BRI3BP: variants seen among roughly 807,000 people sequenced by gnomAD.
BRI3BP encodes BRI3 binding protein.
Under a neutral mutation model 15.8 loss-of-function variants are expected in BRI3BP, and 7 were observed. The ratio of observed to expected loss-of-function variants is 0.44; its 90% CI spans 0.25 to 0.83. The LOEUF is 0.83. Among genes scored for constraint, BRI3BP ranks in the 40% least tolerant of loss-of-function variants. The probability of loss-of-function intolerance (pLI) is 0.20; values close to 1 mark genes in which losing one functional copy is unlikely to be tolerated. For synonymous variants in BRI3BP, 192 were observed against 163.5 expected, an observed-to-expected ratio of 1.17 and a Z score of -1.33; for missense variants, 320 against 339.3, an observed-to-expected ratio of 0.94 and a Z score of 0.45.
chr12:125,021,725 G>C (rs1955300813), intron 2 of BRI3BP, among the ~76,000 whole-genome samples: 2 of 152,252 alleles, frequency 1.3e-5, no homozygotes, highest in South Asian at 4.2e-4. Context: ...CAAGAGCGAG[G>C]GGTAAACTGC....
At chr12:125,042,658 C>T in the BRI3BP span, among the ~76,000 whole-genome samples, 14 of 152,124 alleles carry the variant, frequency 9.2e-5, no homozygotes, top group Admixed American at 2.6e-4. Flanking sequence ...CCTCAGCCTC[C>T]CGAGTAGCTG....
chr12:125,004,294 C>T (rs10846800), intron 1 of BRI3BP, among the ~76,000 whole-genome samples: 8,869 of 152,192 alleles, frequency 0.058, 391 homozygotes, highest in Admixed American at 0.14. Context: ...AGCCTTCTCC[C>T]GAGTAGCTGG....
chr12:125,021,656 C>A (rs2135998759), intron 2 of BRI3BP, among the ~76,000 whole-genome samples: 1 of 152,304 alleles, frequency 6.6e-6, no homozygotes, highest in African/African-American at 2.4e-5. Flanking sequence ...AACTTGTAAT[C>A]ATGGCGGAAG....
Position 124,993,934 on chromosome 12 carries a change from C to T in BRI3BP, c.144C>T (p.Arg48=), listed in dbSNP as rs780689308. ...GCGCGGAGAAGAACAGCTACCGCCGCACGGTCAACACCTTCTCCCAGAGCG... is the reference window on the plus strand; with the variant it reads ...GCGCGGAGAAGAACAGCTACCGCCGTACGGTCAACACCTTCTCCCAGAGCG... The part of the protein sequence containing the change: ...RGGAEKNSYR[R]TVNTFSQSVS... Residue 48 remains arginine (R), a synonymous_variant, in exon 1 of 3, where the codon CGC becomes CGT. Transcript: ENST00000341446. The T allele has an allele frequency of 2.2e-6, 3 of 1,355,534 alleles. No homozygotes were observed. The highest frequency in any genetic ancestry group is 2.9e-6 in the Non-Finnish European group (3 of 1,041,982). 84.0% of individuals were successfully genotyped at this position (1,355,534 alleles called of 1,614,324 possible).
intron 1 of BRI3BP, among the ~76,000 whole-genome samples, chr12:125,003,311 G>A (rs1000108634): frequency 2.0e-5 from 3 of 152,286 alleles, no homozygotes; most frequent in Non-Finnish European, 2.9e-5. Context: ...CAAGAAGAGC[G>A]CTGATGAAAT....
At chr12:124,998,092 C>T (rs1000458016) in intron 1 of BRI3BP, among the ~76,000 whole-genome samples, 3 of 147,466 alleles carry the variant, frequency 2.0e-5, no homozygotes, top group South Asian at 2.1e-4. Flanking sequence ...CCGTTGCGCG[C>T]GCCAGCCTGG....
intron 1 of BRI3BP, among the ~76,000 whole-genome samples, chr12:124,996,427 CTGAGTAGCCGGGATTACAAG>C (rs879804258): frequency 1.8e-4 from 28 of 152,266 alleles, no homozygotes; most frequent in South Asian, 4.1e-4. Context: ...CCTCAGCCTC[CTGAGTAGCCGGGATTACAAG>C]TGAGTAGCCG....
At chr12:125,041,301 C>G in the BRI3BP span, among the ~76,000 whole-genome samples, 3 of 152,130 alleles carry the variant, frequency 2.0e-5, no homozygotes, top group African/African-American at 4.8e-5. Context: ...CGTGATCCAC[C>G]TGCCTCGGCC....
rs895138062 is a variant in BRI3BP at position 125,029,609 on chromosome 12, G to A, written c.*4179G>A. 2.0e-5 allele frequency: 3 copies of A among 150,398 alleles called. No individual in the cohort carries two copies. The highest frequency in any genetic ancestry group is 6.6e-5 in the Admixed American group (1 of 15,058). 9.3% of individuals were successfully genotyped at this position (150,398 alleles called of 1,614,324 possible). On this transcript the variant is annotated 3_prime_UTR_variant, in exon 3 of 3. Transcript: ENST00000341446. ...ACACACACACTTTCCAATACCAGTC[G>A]GCATTACCCGCCCTTTGGTTTCTTT...
At chr12:124,994,082 C>T in intron 1 of BRI3BP, 79 bp downstream of exon 1, 3 of 1,005,826 alleles carry the variant, frequency 3.0e-6, no homozygotes, top group South Asian at 4.2e-5. Flanking sequence ...CTGGGAGGAG[C>T]GCGGCCTCCG....
At chr12:125,016,399 C>G (rs187117961) in intron 2 of BRI3BP, among the ~76,000 whole-genome samples, 36 of 150,048 alleles carry the variant, frequency 2.4e-4, no homozygotes, top group Non-Finnish European at 4.9e-4. Flanking sequence ...ACTCTGTAGC[C>G]CCGAATGGTC....
At chr12:125,050,447 TAAAAG>T in the BRI3BP span, among the ~76,000 whole-genome samples, 6 of 151,036 alleles carry the variant, frequency 4.0e-5, no homozygotes, top group Non-Finnish European at 5.9e-5. Context: ...CTAATAAAAA[TAAAAG>T]AAAGGCTTAA....
downstream of BRI3BP, among the ~76,000 whole-genome samples, chr12:125,032,419 C>T (rs1192703343): frequency 1.5e-4 from 23 of 151,960 alleles, no homozygotes; most frequent in Admixed American, 1.5e-3. Flanking sequence ...AATCGCGCCA[C>T]TGCACTCCAG....
intron 1 of BRI3BP, 101 bp from the exon 2 acceptor site, chr12:125,012,433 T>C: frequency 1.1e-6 from 1 of 933,624 alleles, no homozygotes. Flanking sequence ...GGGCTCACTA[T>C]TTTTCCCTTC....
At position 125,025,332 on chromosome 12, in the gene BRI3BP, G is replaced by A. The variant is rs1458881001; in HGVS notation, c.658G>A (p.Val220Met). 4 of 1,595,916 alleles carry A rather than the reference G, an allele frequency of 2.5e-6. No individual in the cohort carries two copies. Among genetic ancestry groups the A allele is most frequent in the Admixed American group, 1.7e-5 (1 of 58,514 alleles). Residue 220 changes from valine to methionine, a missense_variant, in exon 3 of 3, where the codon GTG becomes ATG. Coordinates refer to ENST00000341446, the MANE Select transcript of BRI3BP (RefSeq NM_080626.6). ...CCCCAGCAACCCCAGCAACCCCAGC[G>A]TGGAGGAGAAGCTGGAGCACCTGGA... ...SGPSNPSNPS[V>M]EEKLEHLEKQ...
downstream of BRI3BP, chr12:125,031,304 C>G (rs948393939): frequency 2.0e-5 from 3 of 152,132 alleles, no homozygotes; most frequent in Middle Eastern, 6.3e-3. Flanking sequence ...TGAGAAGAGT[C>G]ATAAAACCTT....
chr12:125,003,724 G>C (rs948093818), intron 1 of BRI3BP, among the ~76,000 whole-genome samples: 6 of 152,062 alleles, frequency 3.9e-5, no homozygotes, highest in Non-Finnish European at 8.8e-5. Flanking sequence ...AGGCCGAGGC[G>C]GGTGGGTCAC....
chr12:125,022,541 A>ATTTATTTATTTATTTTT, intron 2 of BRI3BP, among the ~76,000 whole-genome samples: 8 of 139,432 alleles, frequency 5.7e-5, no homozygotes, highest in African/African-American at 1.7e-4. Context: ...TTATTTATTT[A>ATTTATTTATTTATTTTT]TTTTTTGAGA....
In BRI3BP at chr12:125,029,920, T is replaced by A. The variant is rs1955394073; in HGVS notation, c.*4490T>A. The A allele has an allele frequency of 6.6e-6, 1 of 152,150 alleles. No homozygotes were observed. The highest frequency in any genetic ancestry group is 1.5e-5 in the Non-Finnish European group (1 of 68,050). 9.4% of individuals were successfully genotyped at this position (152,150 alleles called of 1,614,324 possible). ...CTGAGTAAGAACGCAAAGGTTTGGGTCAGTGATTAGGAAGACTATAATATG... is the reference window on the plus strand; with the variant it reads ...CTGAGTAAGAACGCAAAGGTTTGGGACAGTGATTAGGAAGACTATAATATG... On this transcript the variant is annotated 3_prime_UTR_variant, in exon 3 of 3. Transcript: ENST00000341446.
Sources: gnomAD v4.1 joint callset for allele counts (sites outside exome capture counted in the v4.1 genomes callset) on GRCh38, gnomAD v4.1.1 for gene constraint, MANE v1.5 for transcripts, NCBI Gene and HGNC (gene_info 2026-07-23, HGNC 2026-07-21) for gene names.